The following LRATD1 variants were observed in gnomAD, a reference collection of about 807,000 sequenced individuals.
LRATD1 encodes the protein LRAT domain containing 1.
LRATD1 carries 8 observed loss-of-function variants against 21.3 expected under a neutral mutation model. The ratio of observed to expected loss-of-function variants is 0.38; its 90% CI spans 0.22 to 0.68. LRATD1 has a LOEUF of 0.68. LRATD1 is among the 30% of genes least tolerant of loss of function. The pLI, the probability that LRATD1 is intolerant of heterozygous loss-of-function variation, is 0.54. For synonymous variants in LRATD1, 210 were observed against 186.2 expected, an observed-to-expected ratio of 1.13 and a Z score of -1.04; for missense variants, 380 against 404.0, an observed-to-expected ratio of 0.94 and a Z score of 0.51.
At position 14,633,260 on chromosome 2, in the gene LRATD1, A is replaced by G. The variant is rs537127402; in HGVS notation, c.-37+323A>G. Among the ~76,000 whole-genome samples the G allele has an allele frequency of 3.3e-5, 5 of 152,274 alleles. No individual in the cohort carries two copies. In the East Asian group the frequency reaches 9.7e-4, roughly 30 times the overall value. On this transcript the variant is annotated intron_variant, in intron 1 of 1. Transcript: ENST00000295092. This position sits in a 1 kb window ranked among gnomAD's most constrained non-coding sequence, Gnocchi z 7.5. ...GCCCGGGTGCTTGGGCGTACGTGCA[A>G]CGGCGAGCGTGCAAGCGTGGAGCTG...
chr2:14,640,345 A>G (rs1671787749), downstream of LRATD1, among the ~76,000 whole-genome samples: 1 of 152,190 alleles, frequency 6.6e-6, no homozygotes, highest in African/African-American at 2.4e-5. Context: ...AATAATTGCT[A>G]TGCCTCTTGG....
In LRATD1 at chr2:14,637,744, G is replaced by A. The variant is rs547398556; in HGVS notation, c.*2886G>A. Reference sequence around the variant, plus strand: ...ACTTTTAGGGCACTGTTAACAATGCGAGTGAAACCAAGATGGTGCAAGTTC... The same window carrying A: ...ACTTTTAGGGCACTGTTAACAATGCAAGTGAAACCAAGATGGTGCAAGTTC... On this transcript the variant is annotated 3_prime_UTR_variant, in exon 2 of 2. Transcript: ENST00000295092. The A allele has an allele frequency of 1.8e-5, 3 of 167,140 alleles. No homozygotes were observed. Among genetic ancestry groups the A allele is most frequent in the Admixed American group, 1.3e-4 (2 of 15,296 alleles). The allele number at this position is 167,140 out of a possible 1,614,324, so 10.4% of individuals were successfully genotyped here.
chr2:14,645,369 A>G (rs1671876394), intron 2 of LRATD1, among the ~76,000 whole-genome samples: 1 of 152,240 alleles, frequency 6.6e-6, no homozygotes, highest in Non-Finnish European at 1.5e-5. Flanking sequence ...GTATATAACC[A>G]TCAGCTTCTG....
At chr2:14,644,965 TA>T (rs934372551), downstream of LRATD1, among the ~76,000 whole-genome samples, 5 of 152,076 alleles carry the variant, frequency 3.3e-5, no homozygotes, top group African/African-American at 1.2e-4. Context: ...TTAACAACTC[TA>T]AAAAAATGGT....
In LRATD1 at chr2:14,636,500, T is replaced by G. The variant is rs939461137; in HGVS notation, c.*1642T>G. 1 of 167,092 alleles carries G rather than the reference T, an allele frequency of 6.0e-6. No homozygotes were observed. The highest frequency in any genetic ancestry group is 2.4e-5 in the African/African-American group (1 of 41,470). 10.4% of individuals were successfully genotyped at this position (167,092 alleles called of 1,614,324 possible). A position where few individuals can be genotyped will look rare whatever the true frequency, so the allele number is the denominator to read the frequency against. On this transcript the variant is annotated 3_prime_UTR_variant, in exon 2 of 2. Transcript: ENST00000295092. ...TGAACTTGTAGGATCAGGACAAATG[T>G]GTGTTTTTCAAAAACTTAAGGCTGG...
rs1001369323 is a variant in LRATD1 at position 14,638,980 on chromosome 2, A to G, written c.*4122A>G. The G allele has an allele frequency of 6.0e-6, 1 of 166,838 alleles. No individual in the cohort carries two copies. Among genetic ancestry groups the G allele is most frequent in the Non-Finnish European group, 1.5e-5 (1 of 68,094 alleles). 10.3% of individuals were successfully genotyped at this position (166,838 alleles called of 1,614,324 possible). ...TATACATATATGTACATGTATACAT[A>G]TACATACACACATATGTACATTTAC... On this transcript the variant is annotated 3_prime_UTR_variant, in exon 2 of 2. Coordinates refer to ENST00000295092, the MANE Select transcript of LRATD1 (RefSeq NM_145175.4).
At chr2:14,648,021 C>G (rs183604369) in intron 4 of LRATD1, among the ~76,000 whole-genome samples, 1 of 152,294 alleles carries the variant, frequency 6.6e-6, no homozygotes, top group Admixed American at 6.5e-5. Context: ...TTACAGTTAA[C>G]TTCTCTGCCC....
At chr2:14,640,676 G>A (rs72767509), downstream of LRATD1, among the ~76,000 whole-genome samples, 14 of 152,258 alleles carry the variant, frequency 9.2e-5, no homozygotes, top group Admixed American at 2.6e-4. Context: ...TCTAAATTCA[G>A]TTATTTTCCC....
At chr2:14,651,745 T>C (rs186230520), downstream of LRATD1, among the ~76,000 whole-genome samples, 2 of 152,200 alleles carry the variant, frequency 1.3e-5, no homozygotes, top group East Asian at 3.9e-4. Context: ...TCATTTTTTC[T>C]CATTATTATC....
intron 4 of LRATD1, among the ~76,000 whole-genome samples, chr2:14,646,670 T>C (rs1671901590): frequency 6.6e-6 from 1 of 152,180 alleles, no homozygotes; most frequent in Non-Finnish European, 1.5e-5. Context: ...GCAATAGTTG[T>C]ACAAAATAAT....
rs1306528569 is a variant in LRATD1 at position 14,636,751 on chromosome 2, A to G, written c.*1893A>G. 1.8e-5 allele frequency: 3 copies of G among 167,162 alleles called. No individual in the cohort carries two copies. The highest frequency in any genetic ancestry group is 7.2e-5 in the African/African-American group (3 of 41,476). 10.4% of individuals were successfully genotyped at this position (167,162 alleles called of 1,614,324 possible). A position where few individuals can be genotyped will look rare whatever the true frequency, so the allele number is the denominator to read the frequency against. ...GACAGCAAGTATTATGGCCAAAGCC[A>G]GTTTCTTGGCATTTCAAAAATAATG... is the stretch of plus-strand genomic sequence containing the variant. On this transcript the variant is annotated 3_prime_UTR_variant, in exon 2 of 2. Coordinates refer to ENST00000295092, the MANE Select transcript of LRATD1 (RefSeq NM_145175.4).
In LRATD1 at chr2:14,634,142, G is replaced by T. The variant is rs547001844; in HGVS notation, c.163G>T (p.Val55Leu). Residue 55 changes from valine to leucine, a missense_variant, in exon 2 of 2, where the codon GTG becomes TTG. Val to Leu is a conservative substitution (Grantham distance 32). Coordinates refer to ENST00000295092, the MANE Select transcript of LRATD1 (RefSeq NM_145175.4). ...DERGQPDKFG[V>L]KAPPGCTPCP... ...ACGCGGGCAGCCCGACAAGTTTGGCGTGAAGGCCCCCCCGGGTTGCACCCC... is the reference window on the plus strand; with the variant it reads ...ACGCGGGCAGCCCGACAAGTTTGGCTTGAAGGCCCCCCCGGGTTGCACCCC... The T allele has an allele frequency of 1.9e-6, 3 of 1,614,036 alleles. No individual in the cohort carries two copies. Among genetic ancestry groups the T allele is most frequent in the African/African-American group, 1.3e-5 (1 of 75,058 alleles).
downstream of LRATD1, among the ~76,000 whole-genome samples, chr2:14,651,838 T>C (rs1011381931): frequency 2.6e-5 from 4 of 152,076 alleles, no homozygotes; most frequent in African/African-American, 9.7e-5. Context: ...AATAGATTGA[T>C]TCATAGATTT....
At chr2:14,644,932 G>A (rs1671869828), downstream of LRATD1, among the ~76,000 whole-genome samples, 1 of 152,072 alleles carries the variant, frequency 6.6e-6, no homozygotes, top group African/African-American at 2.4e-5. Context: ...AATAATTGAG[G>A]TGCAACAGTT....
chr2:14,634,684 C>A lies in LRATD1; in HGVS notation c.705C>A (p.Gly235=). ...EFKAGGEVPA[G]TQPPQQQYYL... is the part of the protein sequence containing the mutation. ...AGGCGGGAGGGGAGGTGCCGGCAGG[C>A]ACGCAGCCCCCGCAGCAGCAGTACT... Residue 235 remains glycine (G), a synonymous_variant, in exon 2 of 2, where the codon GGC becomes GGA. Coordinates refer to ENST00000295092, the MANE Select transcript of LRATD1 (RefSeq NM_145175.4). 1 of 1,548,384 alleles carries A rather than the reference C, an allele frequency of 6.5e-7. No individual in the cohort carries two copies. The highest frequency in any genetic ancestry group is 8.7e-7 in the Non-Finnish European group (1 of 1,146,306).
At chr2:14,651,660 A>G (rs1672007819), downstream of LRATD1, among the ~76,000 whole-genome samples, 1 of 151,958 alleles carries the variant, frequency 6.6e-6, no homozygotes, top group Non-Finnish European at 1.5e-5. Flanking sequence ...ATCTTTTCAT[A>G]TGTTGGTTAG....
downstream of LRATD1, among the ~76,000 whole-genome samples, chr2:14,651,422 G>A (rs1672003158): frequency 6.6e-6 from 1 of 152,080 alleles, no homozygotes; most frequent in African/African-American, 2.4e-5. Context: ...AGAATGCTAG[G>A]TCATCAGACA....
rs962098861 is a variant in LRATD1 at position 14,639,243 on chromosome 2, A to G, written c.*4385A>G. On this transcript the variant is annotated 3_prime_UTR_variant, in exon 2 of 2. Transcript: ENST00000295092. ...AGCAGCTATGTCTAAAGCTAACAAT[A>G]AAAAGAAAATGTGGGAGTTGTGCAA... The G allele has an allele frequency of 1.8e-5, 3 of 167,060 alleles. No homozygotes were observed. The highest frequency in any genetic ancestry group is 7.2e-5 in the African/African-American group (3 of 41,462). 10.3% of individuals were successfully genotyped at this position (167,060 alleles called of 1,614,324 possible). A position where few individuals can be genotyped will look rare whatever the true frequency, so the allele number is the denominator to read the frequency against.
rs538988126 is a variant in LRATD1 at position 14,634,228 on chromosome 2, G to T, written c.249G>T (p.Glu83Asp). ...TGCTGCACCAGCTGGTCCTCAACGAGACTCAGTTTTCCGCCTTTCGGGGCC... is the reference window on the plus strand; with the variant it reads ...TGCTGCACCAGCTGGTCCTCAACGATACTCAGTTTTCCGCCTTTCGGGGCC... ...HHLLHQLVLN[E>D]TQFSAFRGQE... Residue 83 changes from glutamate (E) to aspartate (D), a missense_variant, in exon 2 of 2, where the codon GAG (glutamate) becomes GAT (aspartate). Glu to Asp is a conservative substitution (Grantham distance 45, BLOSUM62 2). Transcript: ENST00000295092. The T allele has an allele frequency of 1.8e-5, 29 of 1,612,616 alleles. No individual in the cohort carries two copies. The East Asian group carries it at 6.0e-4, about 33-fold the overall frequency.
Sources: gnomAD v4.1 joint callset for allele counts (sites outside exome capture counted in the v4.1 genomes callset) on GRCh38, gnomAD v4.1.1 for gene constraint, Gnocchi (gnomAD v3.1) non-coding constraint, MANE v1.5 for transcripts, NCBI Gene and HGNC (gene_info 2026-07-23, HGNC 2026-07-21) for gene names.